The following FHOD3 variants were observed in gnomAD, a reference collection of about 807,000 sequenced individuals.
The protein encoded by FHOD3 is formin homology 2 domain containing 3.
In FHOD3, 90 loss-of-function variants were observed where a neutral mutation model predicts 173.0. That is an observed-to-expected ratio of 0.52 (90% confidence interval 0.44 to 0.62). The LOEUF is 0.62. FHOD3 is among the 20% of genes least tolerant of loss of function. FHOD3 has a pLI of 0.00. For synonymous variants in FHOD3, 828 were observed against 823.0 expected (o/e 1.01, Z -0.10); for missense variants, 1,945 against 2,034.7 (o/e 0.96, Z 0.85).
intron 16 of FHOD3, among the ~76,000 whole-genome samples, chr18:36,688,467 C>T (rs1600246732): frequency 6.6e-6 from 1 of 152,116 alleles, no homozygotes; most frequent in African/African-American, 2.4e-5. Flanking sequence ...ACTTTGATTC[C>T]AACATTCTAT....
intron 3 of FHOD3, among the ~76,000 whole-genome samples, chr18:36,409,002 A>G (rs1308302315): frequency 6.6e-6 from 1 of 152,068 alleles, no homozygotes; most frequent in Non-Finnish European, 1.5e-5. Context: ...TGGGTCTGAG[A>G]GCATCAGTGA....
chr18:36,766,790 G>T (rs75887012), intron 27 of FHOD3, among the ~76,000 whole-genome samples: 3,289 of 152,262 alleles, frequency 0.022, 105 homozygotes, highest in African/African-American at 0.075. Context: ...AAAAGTATAG[G>T]TAATTCTCAG....
chr18:36,641,247 C>G (rs1245708367), intron 10 of FHOD3, among the ~76,000 whole-genome samples: 1 of 152,100 alleles, frequency 6.6e-6, no homozygotes, highest in East Asian at 1.9e-4. Flanking sequence ...TGCAAGGACT[C>G]CAAGAATGAA....
intron 14 of FHOD3, among the ~76,000 whole-genome samples, chr18:36,677,845 G>A (rs144728710): frequency 9.9e-5 from 15 of 152,222 alleles, no homozygotes; most frequent in Non-Finnish European, 1.8e-4. Context: ...CATCCTGACT[G>A]CATTGATTTT....
intron 3 of FHOD3, among the ~76,000 whole-genome samples, chr18:36,461,578 A>T (rs894156640): frequency 6.6e-6 from 1 of 152,056 alleles, no homozygotes; most frequent in Non-Finnish European, 1.5e-5. Context: ...GGACTTCAAG[A>T]ATCTCAGAGG....
intron 18 of FHOD3, among the ~76,000 whole-genome samples, chr18:36,715,699 A>G (rs2040411224): frequency 7.0e-6 from 1 of 143,060 alleles, no homozygotes. Flanking sequence ...ACAATAAAAT[A>G]AGTAAAACGT....
At chr18:36,379,677 G>T (rs12326771) in intron 3 of FHOD3, among the ~76,000 whole-genome samples, 34,963 of 152,092 alleles carry the variant, frequency 0.23, 4,522 homozygotes, top group East Asian at 0.67. Flanking sequence ...CAAAACATCA[G>T]TTATATGCAG....
At chr18:36,493,490 C>G (rs1011208081) in intron 3 of FHOD3, among the ~76,000 whole-genome samples, 21 of 152,178 alleles carry the variant, frequency 1.4e-4, no homozygotes, top group Admixed American at 1.1e-3. Flanking sequence ...TCTTGCCTCA[C>G]TCAGTGCTGA....
At chr18:36,543,092 A>G (rs1272322635) in intron 5 of FHOD3, among the ~76,000 whole-genome samples, 1 of 152,112 alleles carries the variant, frequency 6.6e-6, no homozygotes, top group Non-Finnish European at 1.5e-5. Context: ...GACTGCAACA[A>G]TGGGTCCTTC....
rs2303508 is a variant in FHOD3 at position 36,744,413 on chromosome 18, A to G, written c.4041+220A>G. ...GTTCTCAGTCAGATTCTTTCCTACTAAGGTATGCAAGGCAAGCCTGCCATC... is the reference window on the plus strand; with the variant it reads ...GTTCTCAGTCAGATTCTTTCCTACTGAGGTATGCAAGGCAAGCCTGCCATC... On this transcript the variant is annotated intron_variant, in intron 23 of 28. Coordinates refer to ENST00000590592, the MANE Select transcript of FHOD3 (RefSeq NM_001281740.3). Among the ~76,000 whole-genome samples, 77,211 of 152,186 alleles carry G rather than the reference A, an allele frequency of 0.51. 20,000 individuals are homozygous for G. The highest frequency in any genetic ancestry group is 0.61 in the African/African-American group (25,317 of 41,504).
intron 1 of FHOD3, among the ~76,000 whole-genome samples, chr18:36,316,354 G>C (rs1032217471): frequency 6.6e-6 from 1 of 152,162 alleles, no homozygotes. Context: ...GTGTGTAGGG[G>C]AGAAAACTGG....
intron 10 of FHOD3, among the ~76,000 whole-genome samples, chr18:36,640,687 G>A (rs1400186696): frequency 1.3e-5 from 2 of 152,120 alleles, no homozygotes; most frequent in Non-Finnish European, 2.9e-5. Context: ...TGGGTCATAA[G>A]GCACTGCTCC....
chr18:36,706,424 T>C lies in FHOD3; in HGVS notation c.2237-2671T>C, dbSNP rs539026987. ...TGAAAAAAAGATACCACCCCAGTGG[T>C]TGAAATCACAAATTGAAATACCTGA... On this transcript the variant is annotated intron_variant, in intron 17 of 28. Coordinates refer to ENST00000590592, the MANE Select transcript of FHOD3 (RefSeq NM_001281740.3). Among the ~76,000 whole-genome samples, 6 of 152,088 alleles carry C rather than the reference T, an allele frequency of 3.9e-5. No homozygotes were observed. In the South Asian group the frequency reaches 1.0e-3, roughly 26 times the overall value.
chr18:36,573,478 T>C (rs1027141031), intron 5 of FHOD3, among the ~76,000 whole-genome samples: 9 of 148,478 alleles, frequency 6.1e-5, no homozygotes, highest in Middle Eastern at 3.6e-3. Flanking sequence ...TGGTGGCATG[T>C]GTCTGTGGTC....
intron 3 of FHOD3, among the ~76,000 whole-genome samples, chr18:36,446,318 C>A (rs543197703): frequency 6.6e-6 from 1 of 151,970 alleles, no homozygotes; most frequent in African/African-American, 2.4e-5. Context: ...TCACCAGCAA[C>A]GTGAGGAGCC....
intron 3 of FHOD3, among the ~76,000 whole-genome samples, chr18:36,440,230 A>C (rs1347063899): frequency 1.3e-5 from 2 of 152,190 alleles, no homozygotes; most frequent in Non-Finnish European, 2.9e-5. Context: ...CTACCCAAAA[A>C]ACAAGGGGAG....
intron 1 of FHOD3, among the ~76,000 whole-genome samples, chr18:36,316,087 TTCTTCCCCCACTTTC>T: frequency 6.6e-6 from 1 of 151,442 alleles, no homozygotes; most frequent in Non-Finnish European, 1.5e-5. Context: ...TAAGCCTCTT[TTCTTCCCCCACTTTC>T]TCGGAGAGCC....
intron 3 of FHOD3, among the ~76,000 whole-genome samples, chr18:36,442,419 A>G (rs181780028): frequency 6.4e-4 from 98 of 152,312 alleles, no homozygotes; most frequent in Middle Eastern, 3.4e-3. Flanking sequence ...ACTTAAAAAA[A>G]TTATTAAAAA....
intron 3 of FHOD3, among the ~76,000 whole-genome samples, chr18:36,497,792 G>A (rs2054824504): frequency 6.6e-6 from 1 of 152,138 alleles, no homozygotes. Flanking sequence ...CTAATCTATA[G>A]AACAAGTAAA....
Sources: gnomAD v4.1 joint callset for allele counts (sites outside exome capture counted in the v4.1 genomes callset) on GRCh38, gnomAD v4.1.1 for gene constraint, MANE v1.5 for transcripts, NCBI Gene and HGNC (gene_info 2026-07-23, HGNC 2026-07-21) for gene names.